Variants in NXPE3 observed in about 807,000 individuals in gnomAD.
NXPE3 encodes neurexophilin and PC-esterase domain family member 3.
NXPE3 carries 26 observed loss-of-function variants against 46.1 expected under a neutral mutation model. The ratio of observed to expected loss-of-function variants is 0.56; its 90% CI spans 0.41 to 0.78. The LOEUF is 0.78. NXPE3 is among the 30% of genes least tolerant of loss of function. NXPE3 has a pLI of 0.00. For missense variants in NXPE3, 620 were observed against 686.0 expected (o/e 0.90, Z 1.07); for synonymous variants, 272 against 257.9 (o/e 1.05, Z -0.52).
intron 3 of NXPE3, among the ~76,000 whole-genome samples, chr3:101,783,232 G>C (rs1939936324): frequency 6.6e-6 from 1 of 151,846 alleles, no homozygotes; most frequent in Non-Finnish European, 1.5e-5. Context: ...CAGCTAATTT[G>C]TTGTATTTTT....
intron 7 of NXPE3, among the ~76,000 whole-genome samples, chr3:101,820,392 T>A (rs954931621): frequency 1.3e-5 from 2 of 152,162 alleles, no homozygotes; most frequent in African/African-American, 4.8e-5. Flanking sequence ...ACTGGCAAGG[T>A]TGCAGAGAAA....
rs1313082832 is a variant in NXPE3, at chr3:101,779,218, C to G, written c.-604C>G. ...TAGCCGGGGGTCGGAGGTGAGGAGA[C>G]GTCGCCGGGTGAGGAAGCGGGGGGC... On this transcript the variant is annotated 5_prime_UTR_variant, in exon 1 of 8. Transcript: ENST00000273347. The G allele has an allele frequency of 6.6e-6, 1 of 152,246 alleles. No individual in the cohort carries two copies. Among genetic ancestry groups the G allele is most frequent in the African/African-American group, 2.4e-5 (1 of 41,448 alleles). 9.4% of individuals were successfully genotyped at this position (152,246 alleles called of 1,614,324 possible). A position where few individuals can be genotyped will look rare whatever the true frequency, so the allele number is the denominator to read the frequency against.
Position 101,827,918 on chromosome 3 carries a change from C to G in NXPE3, c.*5964C>G, listed in dbSNP as rs1452281862. On this transcript the variant is annotated 3_prime_UTR_variant, in exon 8 of 8. Transcript: ENST00000273347. The stretch of plus-strand genomic sequence containing the variant: ...TTTAGAAAACAGGCTCTTAGCTTCC[C>G]CCGCCCCCGTCCTCACTAGAGTGGA... 6.6e-6 allele frequency: 1 copy of G among 152,364 alleles called. No individual in the cohort carries two copies. The highest frequency in any genetic ancestry group is 1.5e-5 in the Non-Finnish European group (1 of 68,144). 9.4% of individuals were successfully genotyped at this position (152,364 alleles called of 1,614,324 possible). A position where few individuals can be genotyped will look rare whatever the true frequency, so the allele number is the denominator to read the frequency against.
intron 4 of NXPE3, among the ~76,000 whole-genome samples, chr3:101,794,887 C>A (rs936326698): frequency 2.6e-5 from 4 of 152,204 alleles, no homozygotes; most frequent in Non-Finnish European, 5.9e-5. Flanking sequence ...ACTAACTCTT[C>A]TCTACTGAAT....
In NXPE3 at chr3:101,785,486, A is replaced by T; in HGVS notation, c.-111A>T. ...GCTCTTAAGGGTACTAGCAGGATAG[A>T]AGCAAATGAAACTGAAAGCTCATCT... On this transcript the variant is annotated 5_prime_UTR_variant, in exon 4 of 8. Transcript: ENST00000273347. 2.2e-6 allele frequency: 2 copies of T among 894,968 alleles called. No individual in the cohort carries two copies. The highest frequency in any genetic ancestry group is 3.7e-6 in the Non-Finnish European group (2 of 536,216). The allele number at this position is 894,968 out of a possible 1,614,324, so 55.4% of individuals were successfully genotyped here.
intron 3 of NXPE3, among the ~76,000 whole-genome samples, chr3:101,785,192 T>C (rs1474391481): frequency 1.3e-5 from 2 of 152,216 alleles, no homozygotes; most frequent in Non-Finnish European, 2.9e-5. Context: ...GGGGAAATAT[T>C]GTATTTACAC....
At chr3:101,818,886 C>T (rs910477329) in intron 7 of NXPE3, among the ~76,000 whole-genome samples, 1 of 148,730 alleles carries the variant, frequency 6.7e-6, no homozygotes, top group African/African-American at 2.5e-5. Context: ...CTGCCTCAGC[C>T]TCCCAAGTAG....
chr3:101,817,030 T>C, intron 7 of NXPE3, 29 bp downstream of exon 7: 1 of 1,581,816 alleles, frequency 6.3e-7, no homozygotes, highest in African/African-American at 1.3e-5. Flanking sequence ...GTTTCGTAAC[T>C]CTTTCCCACA....
intron 3 of NXPE3, among the ~76,000 whole-genome samples, chr3:101,784,894 G>C (rs1011058448): frequency 9.2e-5 from 14 of 152,052 alleles, no homozygotes; most frequent in Non-Finnish European, 1.8e-4. Context: ...AGTGTGTCGC[G>C]TCTCCTGCCA....
At chr3:101,792,403 A>G (rs545773813) in intron 4 of NXPE3, among the ~76,000 whole-genome samples, 1 of 152,238 alleles carries the variant, frequency 6.6e-6, no homozygotes, top group South Asian at 2.1e-4. Flanking sequence ...TGGATTTTAC[A>G]TTTAAATCTT....
At chr3:101,804,418 A>G (rs1344826450) in intron 5 of NXPE3, among the ~76,000 whole-genome samples, 1 of 152,204 alleles carries the variant, frequency 6.6e-6, no homozygotes, top group African/African-American at 2.4e-5. Context: ...TAATTGCGGA[A>G]TTTTATTTAC....
chr3:101,794,567 C>A (rs1189077749), intron 4 of NXPE3, among the ~76,000 whole-genome samples: 1 of 152,098 alleles, frequency 6.6e-6, no homozygotes, highest in Non-Finnish European at 1.5e-5. Context: ...GGCAGAGGGA[C>A]AATAAATTTC....
chr3:101,787,479 G>A (rs1329690003), intron 4 of NXPE3, among the ~76,000 whole-genome samples: 1 of 152,116 alleles, frequency 6.6e-6, no homozygotes, highest in African/African-American at 2.4e-5. Context: ...GCTAATTTTT[G>A]TATTTTTAGT....
intron 6 of NXPE3, among the ~76,000 whole-genome samples, chr3:101,809,866 G>A (rs1941633795): frequency 1.3e-5 from 2 of 152,162 alleles, no homozygotes; most frequent in Non-Finnish European, 2.9e-5. Context: ...GGCACCACAA[G>A]ATATTTGAGG....
chr3:101,793,400 A>G (rs1440999951), intron 4 of NXPE3, among the ~76,000 whole-genome samples: 1 of 152,062 alleles, frequency 6.6e-6, no homozygotes, highest in Admixed American at 6.6e-5. Flanking sequence ...TTTTATATTT[A>G]AAACAGGTTT....
intron 6 of NXPE3, among the ~76,000 whole-genome samples, chr3:101,810,149 G>A (rs1179391447): frequency 6.6e-6 from 1 of 152,194 alleles, no homozygotes; most frequent in Non-Finnish European, 1.5e-5. Context: ...TTAAGAGCAA[G>A]CATCTGGTTT....
At chr3:101,806,578 A>C (rs761810070) in intron 5 of NXPE3, among the ~76,000 whole-genome samples, 2 of 152,318 alleles carry the variant, frequency 1.3e-5, no homozygotes, top group South Asian at 2.1e-4. Flanking sequence ...CCTGGTAATG[A>C]TGAGCAAAGT....
intron 4 of NXPE3, among the ~76,000 whole-genome samples, chr3:101,786,322 AC>A (rs1300624065): frequency 6.6e-6 from 1 of 152,220 alleles, no homozygotes; most frequent in Non-Finnish European, 1.5e-5. Flanking sequence ...GGCTTGTGGT[AC>A]TTCTCAGATT....
chr3:101,793,601 T>A (rs1246560214), intron 4 of NXPE3, among the ~76,000 whole-genome samples: 1 of 147,502 alleles, frequency 6.8e-6, no homozygotes, highest in Non-Finnish European at 1.5e-5. Flanking sequence ...TTTTCTGCCT[T>A]TTTTTTTTGT....
Sources: allele counts gnomAD v4.1 joint callset (sites outside exome capture counted in the v4.1 genomes callset), GRCh38; gene constraint gnomAD v4.1.1; transcripts MANE v1.5; gene names NCBI Gene and HGNC (gene_info 2026-07-23, HGNC 2026-07-21).